NKAIN2: variants seen among roughly 807,000 people sequenced by gnomAD.
NKAIN2 encodes the protein sodium/potassium transporting ATPase interacting 2.
Under a neutral mutation model 32.6 loss-of-function variants are expected in NKAIN2, and 14 were observed. That is an observed-to-expected ratio of 0.43 (90% CI 0.28 to 0.67). The LOEUF (loss-of-function observed/expected upper bound fraction) is 0.67. Ranked by LOEUF, NKAIN2 falls within the 30% of genes least tolerant of loss-of-function variation. NKAIN2 has a pLI of 0.17. For missense variants in NKAIN2, 198 were observed against 258.3 expected (o/e 0.77, Z 1.60); for synonymous variants, 80 against 87.2 (o/e 0.92, Z 0.46).
intron 1 of NKAIN2, among the ~76,000 whole-genome samples, chr6:124,130,593 G>A (rs1160893548): frequency 7.0e-6 from 1 of 142,668 alleles, no homozygotes; most frequent in Non-Finnish European, 1.5e-5. Flanking sequence ...TATGGTAAGT[G>A]AATTTAATGT....
chr6:124,369,880 A>ATTTTTTTTTTTTTTTTT lies in NKAIN2; in HGVS notation c.273+14535_273+14551dup, dbSNP rs61588781. On this transcript the variant is annotated intron_variant, in intron 3 of 6. Coordinates refer to ENST00000368417, the MANE Select transcript of NKAIN2 (RefSeq NM_001040214.3). Reference sequence around the variant, plus strand: ...ATTTGCTTTAGAGGGCAGAATGTCAATTTTTTTTTTTTTTTTTTAACCTGT... The same window carrying ATTTTTTTTTTTTTTTTT: ...ATTTGCTTTAGAGGGCAGAATGTCAATTTTTTTTTTTTTTTTTTTTTTTTTTTTTTTTTTTAACCTGT... Among the ~76,000 whole-genome samples the ATTTTTTTTTTTTTTTTT allele has an allele frequency of 2.8e-3, 228 of 82,356 alleles. 29 individuals carry two copies. The highest frequency in any genetic ancestry group is 0.011 in the African/African-American group (188 of 17,506). 54.0% of individuals were successfully genotyped at this position (82,356 alleles called of 152,430 possible).
In NKAIN2 at chr6:124,041,041, A is replaced by T. The variant is rs2114809424; in HGVS notation, c.54+236787A>T. On this transcript the variant is annotated intron_variant, in intron 1 of 6. Transcript: ENST00000368417. Reference sequence around the variant, plus strand: ...TTTGTACATTTTTATTTATTTGTATAGTTCAGAAATTGGGAGAGTAATTTG... The same window carrying T: ...TTTGTACATTTTTATTTATTTGTATTGTTCAGAAATTGGGAGAGTAATTTG... 1.3e-5 allele frequency among the ~76,000 whole-genome samples: 2 copies of T among 152,136 alleles called. 1 individual carries two copies. Among genetic ancestry groups the T allele is most frequent in the East Asian group, 3.9e-4 (2 of 5,156 alleles).
chr6:124,688,490 C>G (rs956929689), intron 4 of NKAIN2, among the ~76,000 whole-genome samples: 32 of 151,940 alleles, frequency 2.1e-4, no homozygotes, highest in African/African-American at 2.7e-4. Flanking sequence ...TCATTATCAC[C>G]CAGAGTCTAT....
At chr6:124,679,428 C>T (rs1773515839) in intron 4 of NKAIN2, among the ~76,000 whole-genome samples, 1 of 152,194 alleles carries the variant, frequency 6.6e-6, no homozygotes, top group African/African-American at 2.4e-5. Flanking sequence ...CAGCTTTCTC[C>T]TTCCCTACCT....
At chr6:124,318,283 AT>A (rs1245810078) in intron 2 of NKAIN2, among the ~76,000 whole-genome samples, 1 of 151,586 alleles carries the variant, frequency 6.6e-6, no homozygotes, top group African/African-American at 2.4e-5. Flanking sequence ...TAATTTTGAA[AT>A]TTTGTCAAAC....
At chr6:124,120,582 A>G (rs1785832081) in intron 1 of NKAIN2, among the ~76,000 whole-genome samples, 1 of 152,158 alleles carries the variant, frequency 6.6e-6, no homozygotes. Context: ...AGACAACTAA[A>G]GTCTTTTACC....
At chr6:124,098,531 G>A (rs986105427) in intron 1 of NKAIN2, among the ~76,000 whole-genome samples, 2 of 152,094 alleles carry the variant, frequency 1.3e-5, no homozygotes, top group African/African-American at 2.4e-5. Flanking sequence ...GTAACAAATA[G>A]TAGTCCAATT....
intron 1 of NKAIN2, among the ~76,000 whole-genome samples, chr6:124,095,961 T>C (rs1784630667): frequency 1.3e-5 from 2 of 152,214 alleles, no homozygotes; most frequent in Admixed American, 6.5e-5. Context: ...CTCTTTGTTG[T>C]AATGTCTTAT....
chr6:124,278,777 C>T (rs941752552), intron 1 of NKAIN2, among the ~76,000 whole-genome samples: 1 of 148,020 alleles, frequency 6.8e-6, no homozygotes, highest in Non-Finnish European at 1.5e-5. Flanking sequence ...GATTTAGCAA[C>T]CAGAATTGAC....
At chr6:124,625,250 T>TTCTC (rs1783270790) in intron 3 of NKAIN2, among the ~76,000 whole-genome samples, 2 of 152,072 alleles carry the variant, frequency 1.3e-5, no homozygotes, top group African/African-American at 2.4e-5. Context: ...GGGACATATT[T>TTCTC]TCTCTACAAA....
chr6:124,482,552 A>G (rs2114703285), intron 3 of NKAIN2, among the ~76,000 whole-genome samples: 1 of 152,326 alleles, frequency 6.6e-6, no homozygotes, highest in South Asian at 2.1e-4. Flanking sequence ...GAAATCCTTA[A>G]GAGAACATTC....
intron 1 of NKAIN2, among the ~76,000 whole-genome samples, chr6:123,979,887 C>T (rs755795599): frequency 1.0e-3 from 151 of 144,508 alleles, no homozygotes; most frequent in Non-Finnish European, 8.8e-4. Context: ...TTGTTTTTTT[C>T]TCTCTCTCTC....
chr6:124,549,773 A>G (rs1305810125), intron 3 of NKAIN2, among the ~76,000 whole-genome samples: 2 of 151,432 alleles, frequency 1.3e-5, no homozygotes, highest in Non-Finnish European at 1.5e-5. Context: ...TTTCATGGCT[A>G]GACAGAGGGT....
rs760459368 is a variant in NKAIN2 at position 123,881,675 on chromosome 6, A to G, written c.54+77421A>G. On this transcript the variant is annotated intron_variant, in intron 1 of 6. Coordinates refer to ENST00000368417, the MANE Select transcript of NKAIN2 (RefSeq NM_001040214.3). ...CTATTTGTGGATTTCATATATAATG[A>G]TTTATCATAGTAATAAAAAAGATGG... 8.7e-4 allele frequency among the ~76,000 whole-genome samples: 132 copies of G among 152,198 alleles called. 1 individual carries two copies. Among genetic ancestry groups the G allele is most frequent in the Non-Finnish European group, 4.3e-4 (29 of 68,028 alleles).
intron 1 of NKAIN2, among the ~76,000 whole-genome samples, chr6:124,259,329 G>A (rs879393971): frequency 2.0e-5 from 3 of 152,126 alleles, no homozygotes; most frequent in Admixed American, 2.0e-4. Flanking sequence ...TGAGGGGCCT[G>A]GCATCTCATT....
chr6:124,314,065 C>T (rs555802681), intron 2 of NKAIN2, among the ~76,000 whole-genome samples: 6 of 152,114 alleles, frequency 3.9e-5, no homozygotes, highest in African/African-American at 1.4e-4. Flanking sequence ...CTTATACAGG[C>T]CAGAATGGGA....
intron 1 of NKAIN2, among the ~76,000 whole-genome samples, chr6:123,951,986 C>A (rs1005576149): frequency 6.6e-6 from 1 of 151,366 alleles, no homozygotes; most frequent in South Asian, 2.1e-4. Flanking sequence ...GTTTGCTCTA[C>A]CTTTGGTTTC....
chr6:124,237,808 C>T (rs753835369), intron 1 of NKAIN2, among the ~76,000 whole-genome samples: 1 of 151,920 alleles, frequency 6.6e-6, no homozygotes, highest in African/African-American at 2.4e-5. Context: ...TTAGATAACC[C>T]TGGTATTTTC....
intron 1 of NKAIN2, among the ~76,000 whole-genome samples, chr6:124,053,007 G>A (rs1278878025): frequency 2.0e-5 from 3 of 152,048 alleles, no homozygotes; most frequent in Non-Finnish European, 4.4e-5. Flanking sequence ...AATGGGTAGA[G>A]ATGTGGATGA....
Sources: gnomAD v4.1 joint callset for allele counts (sites outside exome capture counted in the v4.1 genomes callset) on GRCh38, gnomAD v4.1.1 for gene constraint, MANE v1.5 for transcripts, NCBI Gene and HGNC (gene_info 2026-07-23, HGNC 2026-07-21) for gene names.